Variants in ADAP2 observed in about 807,000 individuals in gnomAD.
The protein encoded by ADAP2 is arf-GAP with dual PH domain-containing protein 2.
A neutral mutation model predicts 54.9 loss-of-function variants in ADAP2; 42 were observed. That is an observed-to-expected ratio of 0.77 (90% CI 0.60 to 0.99). ADAP2 has a LOEUF of 0.99. ADAP2 is among the 50% of genes least tolerant of loss of function. The probability of loss-of-function intolerance (pLI) is 0.00; values close to 1 mark genes in which losing one functional copy is unlikely to be tolerated. For missense variants in ADAP2, 429 were observed against 480.4 expected, an observed-to-expected ratio of 0.89 and a Z score of 1.00; for synonymous variants, 177 against 180.1, an observed-to-expected ratio of 0.98 and a Z score of 0.14.
chr17:30,935,541 A>G (rs73989922), intron 5 of ADAP2, among the ~76,000 whole-genome samples: 18,941 of 152,010 alleles, frequency 0.12, 3,573 homozygotes, highest in African/African-American at 0.41. Context: ...GGGGGGAAGA[A>G]TAGAAGAAAG....
chr17:30,947,698 G>T (rs1486251287), intron 6 of ADAP2, among the ~76,000 whole-genome samples: 1 of 152,158 alleles, frequency 6.6e-6, no homozygotes, highest in Non-Finnish European at 1.5e-5. Flanking sequence ...CAGATCCCTG[G>T]AATACTAGGC....
At chr17:30,954,591 T>G (rs1336024049) in intron 9 of ADAP2, 36 bp downstream of exon 9, 1 of 1,557,368 alleles carries the variant, frequency 6.4e-7, no homozygotes, top group East Asian at 2.2e-5. Flanking sequence ...CAGGGCTTCC[T>G]CAAACATTGC....
intron 4 of ADAP2, among the ~76,000 whole-genome samples, chr17:30,933,069 C>T (rs1008196227): frequency 4.6e-5 from 7 of 152,146 alleles, no homozygotes; most frequent in Admixed American, 4.6e-4. Flanking sequence ...GTTTCACCCC[C>T]ACGGTCCTGA....
chr17:30,945,365 T>C (rs1912588793), intron 6 of ADAP2, among the ~76,000 whole-genome samples: 1 of 152,126 alleles, frequency 6.6e-6, no homozygotes, highest in Non-Finnish European at 1.5e-5. Flanking sequence ...AGGTTCTGAA[T>C]ACGGGGGAGG....
rs139272323 is a variant in ADAP2 at position 30,946,200 on chromosome 17, G to C, written c.657+1147G>C. 2.3e-4 allele frequency among the ~76,000 whole-genome samples: 35 copies of C among 152,060 alleles called. No homozygotes were observed. In the East Asian group the frequency reaches 5.6e-3, roughly 24 times the overall value. On this transcript the variant is annotated intron_variant, in intron 6 of 10. Transcript: ENST00000330889. The stretch of plus-strand genomic sequence containing the variant: ...AAAACTGCATTGTAACGGGATCCCA[G>C]GTGAGTCTTGTGCACATTAAAGTTT...
At chr17:30,952,219 C>T (rs1196943601) in intron 7 of ADAP2, among the ~76,000 whole-genome samples, 1 of 152,144 alleles carries the variant, frequency 6.6e-6, no homozygotes, top group Non-Finnish European at 1.5e-5. Context: ...ATGATCCAGG[C>T]TGTTTATCAC....
chr17:30,924,870 T>G (rs930337930), intron 2 of ADAP2, among the ~76,000 whole-genome samples: 3 of 151,578 alleles, frequency 2.0e-5, no homozygotes, highest in African/African-American at 7.3e-5. Context: ...TTTTTTGTTT[T>G]TTTTGTTTTT....
At chr17:30,948,277 A>C (rs1402722833) in intron 6 of ADAP2, among the ~76,000 whole-genome samples, 1 of 152,106 alleles carries the variant, frequency 6.6e-6, no homozygotes, top group Non-Finnish European at 1.5e-5. Context: ...ATTTGTAATT[A>C]GAAAATCACT....
chr17:30,957,978 A>G lies in ADAP2; in HGVS notation c.*109A>G. On this transcript the variant is annotated 3_prime_UTR_variant, in exon 11 of 11. Coordinates refer to ENST00000330889, the MANE Select transcript of ADAP2 (RefSeq NM_018404.3). ...CATCAGTGCCCCGCAGTCAGCAGCC[A>G]TTCCTGGCAGTGAACTCTGCCAGGA... The G allele has an allele frequency of 9.2e-7, 1 of 1,084,422 alleles. No homozygotes were observed. The highest frequency in any genetic ancestry group is 1.4e-6 in the Non-Finnish European group (1 of 720,494). 67.2% of individuals were successfully genotyped at this position (1,084,422 alleles called of 1,614,324 possible). A position where few individuals can be genotyped will look rare whatever the true frequency, so the allele number is the denominator to read the frequency against.
intron 5 of ADAP2, among the ~76,000 whole-genome samples, chr17:30,937,510 C>T (rs1911975967): frequency 6.6e-6 from 1 of 152,252 alleles, no homozygotes; most frequent in African/African-American, 2.4e-5. Context: ...GCATGAGCCA[C>T]TGCGCCCAGC....
At chr17:30,932,233 T>C (rs1175202208) in intron 4 of ADAP2, among the ~76,000 whole-genome samples, 198 of 146,062 alleles carry the variant, frequency 1.4e-3, no homozygotes, top group African/African-American at 4.8e-3. Flanking sequence ...ACAGACTCTT[T>C]TTTTTTTTTT....
In ADAP2 at chr17:30,949,150, C is replaced by T. The variant is rs2232273; in HGVS notation, c.658-137C>T. Reference sequence around the variant, plus strand: ...CAATCCTCCCTGGATGCCCCTGAGCCGAGCTGTGGGGTGTGTGCAGGTGCT... The same window carrying T: ...CAATCCTCCCTGGATGCCCCTGAGCTGAGCTGTGGGGTGTGTGCAGGTGCT... On this transcript the variant is annotated intron_variant, in intron 6 of 10. Transcript: ENST00000330889. The T allele has an allele frequency of 8.1e-3, 5,353 of 658,000 alleles. 209 individuals are homozygous for T. The African/African-American group carries it at 0.084, about 10-fold the overall frequency. The allele number at this position is 658,000 out of a possible 1,614,324, so 40.8% of individuals were successfully genotyped here.
In ADAP2 at chr17:30,954,439, G is replaced by T; in HGVS notation, c.805-39G>T. 2.5e-6 allele frequency: 4 copies of T among 1,592,370 alleles called. No homozygotes were observed. In the South Asian group the frequency reaches 4.4e-5, roughly 18 times the overall value. On this transcript the variant is annotated intron_variant, in intron 8 of 10. Coordinates refer to ENST00000330889, the MANE Select transcript of ADAP2 (RefSeq NM_018404.3). ...CCCCTGACCTCTATCCTCAGAAACT[G>T]ACCTGGTCATCTGTGGTAAGAAGTT...
chr17:30,926,891 A>C lies in ADAP2; in HGVS notation c.290A>C (p.Tyr97Ser). Residue 97 changes from tyrosine to serine, a missense_variant, in exon 3 of 11, where the codon TAC (tyrosine) becomes TCC (serine). Physicochemically the swap from Tyr to Ser is moderately radical, Grantham distance 144. Coordinates refer to ENST00000330889, the MANE Select transcript of ADAP2 (RefSeq NM_018404.3). Reference protein sequence around the residue: ...AKFEARVPAFYYIPQANDCLV... With the variant: ...AKFEARVPAFSYIPQANDCLV... ...TTCGAAGCCAGAGTCCCAGCTTTCTACTACATCCCCCAGGCCAACGACTGC... is the reference window on the plus strand; with the variant it reads ...TTCGAAGCCAGAGTCCCAGCTTTCTCCTACATCCCCCAGGCCAACGACTGC... 1 of 1,614,134 alleles carries C rather than the reference A, an allele frequency of 6.2e-7. No individual in the cohort carries two copies. Among genetic ancestry groups the C allele is most frequent in the Non-Finnish European group, 8.5e-7 (1 of 1,180,008 alleles).
At chr17:30,928,001 T>C (rs1454373876) in intron 3 of ADAP2, among the ~76,000 whole-genome samples, 1 of 149,722 alleles carries the variant, frequency 6.7e-6, no homozygotes, top group Non-Finnish European at 1.5e-5. Context: ...CTAGTATGAG[T>C]GACAGAGTGA....
At chr17:30,931,758 C>A in intron 3 of ADAP2, 131 bp from the exon 4 acceptor site, 1 of 605,652 alleles carries the variant, frequency 1.7e-6, no homozygotes, top group Non-Finnish European at 2.9e-6. Flanking sequence ...GAGGTCTAGG[C>A]TGCAGTGAGC....
Position 30,922,065 on chromosome 17 carries a change from G to A in ADAP2, c.51G>A (p.Ala17=), listed in dbSNP as rs1213326680. 2.1e-5 allele frequency: 27 copies of A among 1,272,744 alleles called. No individual in the cohort carries two copies. Among genetic ancestry groups the A allele is most frequent in the Middle Eastern group, 2.7e-4 (1 of 3,718 alleles). 78.8% of individuals were successfully genotyped at this position (1,272,744 alleles called of 1,614,324 possible). ...NKKRLLELLR[A]PDTGNAHCAD... is the part of the protein sequence containing the mutation. ...AGCGGCTGCTGGAGCTGCTGCGGGC[G>A]CCGGACACAGGCAACGCGCACTGCG... Residue 17 remains alanine (A), a synonymous_variant, in exon 1 of 11, where the codon GCG becomes GCA. Coordinates refer to ENST00000330889, the MANE Select transcript of ADAP2 (RefSeq NM_018404.3).
chr17:30,958,045 C>T lies in ADAP2; in HGVS notation c.*176C>T, dbSNP rs970217860. ...ATCCATCAGCTCCCTGGGCCTTCCC[C>T]GCAACCCACCTCGGGGATCTGAGGA... On this transcript the variant is annotated 3_prime_UTR_variant, in exon 11 of 11. Transcript: ENST00000330889. 7 of 641,678 alleles carry T rather than the reference C, an allele frequency of 1.1e-5. No individual in the cohort carries two copies. The highest frequency in any genetic ancestry group is 9.1e-5 in the African/African-American group (5 of 55,220). 39.7% of individuals were successfully genotyped at this position (641,678 alleles called of 1,614,324 possible).
intron 3 of ADAP2, among the ~76,000 whole-genome samples, chr17:30,929,216 A>G (rs1911301447): frequency 1.3e-5 from 2 of 152,244 alleles, no homozygotes; most frequent in Non-Finnish European, 1.5e-5. Context: ...AATGTAGGCA[A>G]TGATGCCTGC....
Sources: allele counts gnomAD v4.1 joint callset (sites outside exome capture counted in the v4.1 genomes callset), GRCh38; gene constraint gnomAD v4.1.1; transcripts MANE v1.5; gene names NCBI Gene and HGNC (gene_info 2026-07-23, HGNC 2026-07-21).